The following OTUD5 variants were observed in gnomAD, a reference collection of about 807,000 sequenced individuals.
OTUD5 encodes the protein OTU domain-containing protein 5.
A neutral mutation model predicts 36.3 loss-of-function variants in OTUD5; 2 were observed. The ratio of observed to expected loss-of-function variants is 0.06; its 90% CI spans 0.02 to 0.17. The LOEUF is 0.17. Ranked by LOEUF, OTUD5 falls within the 10% of genes least tolerant of loss-of-function variation. OTUD5 has a pLI of 1.00. For missense variants in OTUD5, 233 were observed against 512.3 expected, an observed-to-expected ratio of 0.45 and a Z score of 5.26; for synonymous variants, 234 against 214.9, an observed-to-expected ratio of 1.09 and a Z score of -0.78.
intron 1 of OTUD5, among the ~76,000 whole-genome samples, chrX:48,947,925 G>A (rs1364695196): frequency 8.9e-6 from 1 of 111,879 alleles, no homozygotes; most frequent in Non-Finnish European, 1.9e-5. Context: ...CAGGTAAGCA[G>A]GGAGGACCAG....
Position 48,924,049 on chromosome X carries a change from G to A in OTUD5, c.1267C>T (p.Arg423Trp). 3 of 1,198,161 alleles carry A rather than the reference G, an allele frequency of 2.5e-6. No homozygotes were observed. Among genetic ancestry groups the A allele is most frequent in the South Asian group, 1.8e-5 (1 of 55,313 alleles). ...ARQVRGPSQPRKASATCSSAT... is the reference protein window; with the variant it reads ...ARQVRGPSQPWKASATCSSAT... The stretch of plus-strand genomic sequence containing the variant: ...GAACTGCATGTGGCGCTGGCTTTCC[G>A]GGGCTGCAGCGGGGAAGGTAAATGC... Residue 423 changes from arginine (R) to tryptophan (W), a missense_variant, in exon 7 of 9, where the codon CGG becomes TGG. Around this residue, in one of 3 missense-constraint regions of OTUD5, gnomAD observed 57 missense variants for 133.1 expected, o/e 0.43. Transcript: ENST00000376488.
intron 5 of OTUD5, among the ~76,000 whole-genome samples, chrX:48,934,059 C>A (rs1455372676): frequency 8.9e-6 from 1 of 111,801 alleles, no homozygotes; most frequent in African/African-American, 3.3e-5. Flanking sequence ...ACAGAATCTG[C>A]CTAGATCACA....
intron 1 of OTUD5, among the ~76,000 whole-genome samples, chrX:48,950,635 C>T (rs2064123113): frequency 1.9e-5 from 2 of 104,869 alleles, no homozygotes; most frequent in Admixed American, 1.0e-4. Context: ...CCCCACCTCA[C>T]TGCAACCTCC....
At chrX:48,944,958 G>A (rs2063997368) in intron 1 of OTUD5, among the ~76,000 whole-genome samples, 2 of 110,110 alleles carry the variant, frequency 1.8e-5, no homozygotes, top group South Asian at 7.8e-4. Flanking sequence ...GGAGGTAAGA[G>A]GTTGCGGTGA....
chrX:48,957,099 C>T lies in OTUD5; in HGVS notation c.472G>A (p.Val158Ile). 4.2e-6 allele frequency: 5 copies of T among 1,178,102 alleles called. No homozygotes were observed. The highest frequency in any genetic ancestry group is 5.7e-6 in the Non-Finnish European group (5 of 881,529). The change falls in exon 1 of 9, where the codon GTT becomes ATT. Residue 158 changes from valine to isoleucine, a missense_variant. Val to Ile is a conservative substitution (Grantham distance 29, BLOSUM62 3). Transcript: ENST00000376488. ...GGACTGCCCCCGCCAACCGCGCCAA[C>T]CCCGGGAGCTTGACGTCGCCGCTTG... ...HSKRRRQAPG[V>I]GAVGGGSPER...
intron 1 of OTUD5, among the ~76,000 whole-genome samples, chrX:48,953,925 A>AC (rs1205956643): frequency 3.6e-5 from 4 of 109,895 alleles, no homozygotes; most frequent in South Asian, 3.9e-4. Context: ...GGCTACAACC[A>AC]CCCCTAGTGA....
At chrX:48,929,259 G>A (rs1396743612) in intron 5 of OTUD5, among the ~76,000 whole-genome samples, 10 of 109,201 alleles carry the variant, frequency 9.2e-5, no homozygotes, top group African/African-American at 1.3e-4. Flanking sequence ...GTGGTGGCGC[G>A]TGCCTGTAAT....
chrX:48,933,087 G>A (rs1342236253), intron 5 of OTUD5, among the ~76,000 whole-genome samples: 1 of 112,104 alleles, frequency 8.9e-6, no homozygotes, highest in African/African-American at 3.2e-5. Flanking sequence ...GTCTGAAAAA[G>A]CTACATACTG....
At chrX:48,947,259 C>T (rs143306521) in intron 1 of OTUD5, among the ~76,000 whole-genome samples, 58 of 111,177 alleles carry the variant, frequency 5.2e-4, no homozygotes, top group African/African-American at 1.8e-3. Context: ...TGGTGCATGC[C>T]TGTAATCCCA....
chrX:48,937,831 T>C (rs3027499), intron 2 of OTUD5, among the ~76,000 whole-genome samples: 56 of 112,098 alleles, frequency 5.0e-4, no homozygotes, highest in Non-Finnish European at 7.9e-4. Flanking sequence ...CATATGCTAG[T>C]TACCCACGAG....
At chrX:48,923,603 C>T (rs782056455) in intron 8 of OTUD5, 30 bp downstream of exon 8, 1 of 1,051,663 alleles carries the variant, frequency 9.5e-7, no homozygotes, top group Non-Finnish European at 1.3e-6. Flanking sequence ...CTCCTAGCAG[C>T]CTCCATCCCC....
At chrX:48,926,181 A>G in intron 5 of OTUD5, 131 bp from the exon 6 acceptor site, 2 of 485,514 alleles carry the variant, frequency 4.1e-6, no homozygotes, top group South Asian at 6.1e-5. Flanking sequence ...ACTCCCAAAG[A>G]GCAACACTCC....
At chrX:48,925,235 G>A (rs949990272) in intron 6 of OTUD5, among the ~76,000 whole-genome samples, 1 of 93,515 alleles carries the variant, frequency 1.1e-5, no homozygotes, top group Non-Finnish European at 2.0e-5. Flanking sequence ...CCGAGACTGC[G>A]CCACTGCACT....
chrX:48,939,917 T>A (rs185979767), intron 2 of OTUD5: 5 of 112,794 alleles, frequency 4.4e-5, no homozygotes, highest in African/African-American at 1.6e-4. Context: ...CACAGCAAGT[T>A]CCGCTAAGGG....
intron 1 of OTUD5, among the ~76,000 whole-genome samples, chrX:48,947,135 T>C (rs1035105130): frequency 1.9e-4 from 21 of 112,142 alleles, no homozygotes; most frequent in South Asian, 7.4e-4. Flanking sequence ...TCCCAGCACT[T>C]TGGGAGGCCG....
At chrX:48,941,429 T>G in intron 2 of OTUD5, among the ~76,000 whole-genome samples, 1 of 33,224 alleles carries the variant, frequency 3.0e-5, no homozygotes, top group East Asian at 1.1e-3. Context: ...GGAGACTCCA[T>G]CTCAAAAAAA....
At chrX:48,950,150 A>G (rs1009802284) in intron 1 of OTUD5, among the ~76,000 whole-genome samples, 142 of 110,432 alleles carry the variant, frequency 1.3e-3, no homozygotes, top group African/African-American at 4.2e-3. Flanking sequence ...AAAAAAAAAA[A>G]AGAGAAGAGA....
In OTUD5 at chrX:48,922,495, C is replaced by T. The variant is rs781882544; in HGVS notation, c.*679G>A. 1.2e-4 allele frequency: 88 copies of T among 749,108 alleles called. No homozygotes were observed. The African/African-American group carries it at 1.7e-3, about 15-fold the overall frequency. The allele number at this position is 749,108 out of a possible 1,213,427, so 61.7% of individuals were successfully genotyped here. On this transcript the variant is annotated 3_prime_UTR_variant, in exon 9 of 9. Coordinates refer to ENST00000376488, the MANE Select transcript of OTUD5 (RefSeq NM_001136157.2). Reference sequence around the variant, plus strand: ...CCAGTGCACACCCTAGACCCTGGGCCGGCCTCCATGCAGCTGGAGGCCAGA... The same window carrying T: ...CCAGTGCACACCCTAGACCCTGGGCTGGCCTCCATGCAGCTGGAGGCCAGA...
At chrX:48,955,584 A>G (rs782126635) in intron 1 of OTUD5, among the ~76,000 whole-genome samples, 2 of 110,521 alleles carry the variant, frequency 1.8e-5, no homozygotes, top group Non-Finnish European at 3.8e-5. Flanking sequence ...AGGCCCTTAA[A>G]AGTAGGCAAA....
Sources: allele counts gnomAD v4.1 joint callset (sites outside exome capture counted in the v4.1 genomes callset), GRCh38; gene constraint gnomAD v4.1.1; regional missense constraint gnomAD v4.1.1; transcripts MANE v1.5; gene names NCBI Gene and HGNC (gene_info 2026-07-23, HGNC 2026-07-21).